MAGI2: variants seen among roughly 807,000 people sequenced by gnomAD.
The protein encoded by MAGI2 is membrane associated guanylate kinase, WW and PDZ domain containing 2, also known as membrane-associated guanylate kinase, WW and PDZ domain-containing protein 2.
A neutral mutation model predicts 133.3 loss-of-function variants in MAGI2; 35 were observed. That is an observed-to-expected ratio of 0.26 (90% CI 0.20 to 0.35). The LOEUF is 0.35. MAGI2 is among the 10% of genes least tolerant of loss of function. MAGI2 has a pLI of 1.00. For synonymous variants in MAGI2, 729 were observed against 710.6 expected (o/e 1.03, Z -0.41); for missense variants, 1,636 against 1,863.4 (o/e 0.88, Z 2.25).
intron 1 of MAGI2, among the ~76,000 whole-genome samples, chr7:79,151,157 T>C (rs1823197573): frequency 6.6e-6 from 1 of 152,192 alleles, no homozygotes; most frequent in African/African-American, 2.4e-5. Context: ...CTTGCATATT[T>C]TCAGGAATAG....
intron 9 of MAGI2, among the ~76,000 whole-genome samples, chr7:78,288,414 A>G (rs909149358): frequency 6.6e-6 from 1 of 152,212 alleles, no homozygotes; most frequent in East Asian, 1.9e-4. Flanking sequence ...CTTCTATTTG[A>G]CATTACCTAC....
At chr7:79,209,353 T>G (rs1468641283) in intron 1 of MAGI2, among the ~76,000 whole-genome samples, 1 of 152,082 alleles carries the variant, frequency 6.6e-6, no homozygotes, top group Non-Finnish European at 1.5e-5. Flanking sequence ...ACACATAAAG[T>G]GTTTTGATTA....
At chr7:79,261,619 C>T (rs1025545057) in intron 1 of MAGI2, among the ~76,000 whole-genome samples, 1 of 152,144 alleles carries the variant, frequency 6.6e-6, no homozygotes. Flanking sequence ...AGCATGCAAA[C>T]TACATTCATA....
chr7:78,435,091 C>T (rs537789468), intron 6 of MAGI2, among the ~76,000 whole-genome samples: 1 of 152,212 alleles, frequency 6.6e-6, no homozygotes, highest in Non-Finnish European at 1.5e-5. Context: ...TCATCTTGGA[C>T]AATTGATTTA....
chr7:78,383,037 A>G (rs1795069997), intron 6 of MAGI2, among the ~76,000 whole-genome samples: 1 of 152,088 alleles, frequency 6.6e-6, no homozygotes, highest in South Asian at 2.1e-4. Context: ...TTTATTTCAT[A>G]TCTTTGCTAT....
At chr7:79,326,488 C>T (rs191419653) in intron 1 of MAGI2, among the ~76,000 whole-genome samples, 8 of 152,110 alleles carry the variant, frequency 5.3e-5, no homozygotes, top group East Asian at 3.9e-4. Flanking sequence ...TGTTTTAAAA[C>T]GTCATTAATT....
intron 2 of MAGI2, among the ~76,000 whole-genome samples, chr7:78,816,736 A>G (rs1789616762): frequency 6.6e-6 from 1 of 152,180 alleles, no homozygotes; most frequent in Admixed American, 6.5e-5. Flanking sequence ...TGCTTAGAAA[A>G]AAAAAAGATT....
chr7:78,194,007 T>C (rs1339441874), intron 12 of MAGI2, among the ~76,000 whole-genome samples: 1 of 152,218 alleles, frequency 6.6e-6, no homozygotes, highest in Non-Finnish European at 1.5e-5. Context: ...TTGCTATTCA[T>C]GCTACGGATG....
intron 9 of MAGI2, among the ~76,000 whole-genome samples, chr7:78,327,463 C>A (rs978628615): frequency 6.6e-6 from 1 of 152,180 alleles, no homozygotes; most frequent in Non-Finnish European, 1.5e-5. Flanking sequence ...TCTCCTGTAG[C>A]CTCCCCTTTC....
chr7:78,692,603 A>G (rs964564045), intron 2 of MAGI2, among the ~76,000 whole-genome samples: 1 of 152,222 alleles, frequency 6.6e-6, no homozygotes, highest in Non-Finnish European at 1.5e-5. Flanking sequence ...TTAATTTTCC[A>G]TATTTACATA....
chr7:78,110,277 T>G (rs906048809), intron 20 of MAGI2, among the ~76,000 whole-genome samples: 1 of 152,178 alleles, frequency 6.6e-6, no homozygotes, highest in Admixed American at 6.5e-5. Flanking sequence ...TGCTACTAGG[T>G]TGAGGAGTCT....
chr7:78,161,667 T>TAAAAAAAAAAAAAAAAAA lies in MAGI2; in HGVS notation c.2597-1412_2597-1395dup, dbSNP rs71515391. ...AGAGACGTTTTGTTACATCGATACC[T>TAAAAAAAAAAAAAAAAAA]AAAAAAAAAAAAAAAAAAAAGAAAA... On this transcript the variant is annotated intron_variant, in intron 15 of 21. Transcript: ENST00000354212. Among the ~76,000 whole-genome samples, 174 of 68,906 alleles carry TAAAAAAAAAAAAAAAAAA rather than the reference T, an allele frequency of 2.5e-3. 2 individuals carry two copies. The highest frequency in any genetic ancestry group is 3.2e-3 in the Admixed American group (18 of 5,638). 45.2% of individuals were successfully genotyped at this position (68,906 alleles called of 152,430 possible). A position where few individuals can be genotyped will look rare whatever the true frequency, so the allele number is the denominator to read the frequency against.
chr7:78,640,116 C>A (rs959900066), intron 2 of MAGI2, among the ~76,000 whole-genome samples: 8 of 152,096 alleles, frequency 5.3e-5, no homozygotes, highest in Admixed American at 3.9e-4. Flanking sequence ...TTGTCATAAT[C>A]CCCAGAACAC....
chr7:78,223,657 T>C (rs1789057656), intron 10 of MAGI2, among the ~76,000 whole-genome samples: 1 of 152,196 alleles, frequency 6.6e-6, no homozygotes, highest in Admixed American at 6.5e-5. Context: ...CAAGATAATT[T>C]ACCTCACCAA....
At chr7:78,529,191 G>T (rs2150614076) in intron 3 of MAGI2, among the ~76,000 whole-genome samples, 1 of 152,298 alleles carries the variant, frequency 6.6e-6, no homozygotes, top group East Asian at 1.9e-4. Flanking sequence ...AAACTTGTTT[G>T]CAAGTCCTCA....
At chr7:78,361,528 A>G (rs1031816309) in intron 7 of MAGI2, among the ~76,000 whole-genome samples, 1 of 149,586 alleles carries the variant, frequency 6.7e-6, no homozygotes, top group Non-Finnish European at 1.5e-5. Flanking sequence ...TTTGCTTTTT[A>G]TTATTGGCTT....
intron 21 of MAGI2, among the ~76,000 whole-genome samples, chr7:78,066,111 C>T (rs910905134): frequency 6.6e-6 from 1 of 152,080 alleles, no homozygotes; most frequent in Non-Finnish European, 1.5e-5. Context: ...TATATTTTCT[C>T]TAATAATCTC....
At chr7:78,856,860 A>G (rs567600438) in intron 2 of MAGI2, among the ~76,000 whole-genome samples, 1 of 152,250 alleles carries the variant, frequency 6.6e-6, no homozygotes, top group Admixed American at 6.5e-5. Flanking sequence ...CCATTTTCAC[A>G]ATATTGATCC....
At chr7:78,374,688 T>C (rs1370579627) in intron 6 of MAGI2, among the ~76,000 whole-genome samples, 2 of 152,126 alleles carry the variant, frequency 1.3e-5, no homozygotes, top group Non-Finnish European at 2.9e-5. Context: ...AGCTTTCTTT[T>C]TTCATTGTGT....
Sources: allele counts gnomAD v4.1 joint callset (sites outside exome capture counted in the v4.1 genomes callset), GRCh38; gene constraint gnomAD v4.1.1; transcripts MANE v1.5; gene names NCBI Gene and HGNC (gene_info 2026-07-23, HGNC 2026-07-21).